PLCE1: variants seen among roughly 807,000 people sequenced by gnomAD.
The protein encoded by PLCE1 is phospholipase C epsilon 1.
In PLCE1, 119 loss-of-function variants were observed where a neutral mutation model predicts 242.8. The ratio of observed to expected loss-of-function variants is 0.49; its 90% CI spans 0.42 to 0.57. PLCE1 has a LOEUF of 0.57. PLCE1 is among the 20% of genes least tolerant of loss of function. The probability of loss-of-function intolerance (pLI) is 0.00; values close to 1 mark genes in which losing one functional copy is unlikely to be tolerated. For synonymous variants in PLCE1, 945 were observed against 1,017.4 expected (o/e 0.93, Z 1.35); for missense variants, 2,441 against 2,788.8 (o/e 0.88, Z 2.81).
chr10:94,262,762 G>A (rs1193149490), intron 14 of PLCE1, 30 bp downstream of exon 14: 9 of 1,325,976 alleles, frequency 6.8e-6, no homozygotes, highest in African/African-American at 2.9e-5. Context: ...GTGCATGTGT[G>A]TGTGATGCCT....
At chr10:94,026,300 A>G (rs1045953737) in intron 1 of PLCE1, among the ~76,000 whole-genome samples, 5 of 152,060 alleles carry the variant, frequency 3.3e-5, no homozygotes, top group Admixed American at 3.3e-4. Context: ...TAGTCATATT[A>G]CCTATCCCCA....
Position 94,112,216 on chromosome 10 carries a change from A to G in PLCE1, c.1207-19958A>G, listed in dbSNP as rs1252773467. 3.3e-5 allele frequency among the ~76,000 whole-genome samples: 5 copies of G among 152,302 alleles called. No individual in the cohort carries two copies. The South Asian group carries it at 1.0e-3, about 32-fold the overall frequency. On this transcript the variant is annotated intron_variant, in intron 2 of 32. Coordinates refer to ENST00000371380, the MANE Select transcript of PLCE1 (RefSeq NM_016341.4). ...TCTTTTTTAAAAATGCATGAAGCAC[A>G]AGGAAGGTGAATGGGTGATTAACAA...
At chr10:94,066,646 C>G (rs1396172349) in intron 2 of PLCE1, among the ~76,000 whole-genome samples, 1 of 152,136 alleles carries the variant, frequency 6.6e-6, no homozygotes, top group Non-Finnish European at 1.5e-5. Flanking sequence ...CCCATGCTTG[C>G]GTGTGATTTC....
intron 23 of PLCE1, among the ~76,000 whole-genome samples, chr10:94,295,205 C>T (rs545520441): frequency 2.0e-5 from 3 of 151,958 alleles, no homozygotes; most frequent in Admixed American, 6.6e-5. Context: ...TGTGAGCCAC[C>T]GCGCCCGGCC....
intron 3 of PLCE1, among the ~76,000 whole-genome samples, chr10:94,161,453 CTCTG>C (rs1351355871): frequency 1.6e-4 from 25 of 151,974 alleles, no homozygotes; most frequent in African/African-American, 5.1e-4. Context: ...TGATTTGGCT[CTCTG>C]TCTGTTATTG....
At position 94,035,848 on chromosome 10, in the gene PLCE1, G is replaced by A. The variant is rs117549031; in HGVS notation, c.1206+3596G>A. 1.1e-3 allele frequency among the ~76,000 whole-genome samples: 163 copies of A among 152,160 alleles called. 2 individuals are homozygous for A. Among genetic ancestry groups the A allele is most frequent in the Non-Finnish European group, 2.1e-3 (141 of 68,006 alleles). On this transcript the variant is annotated intron_variant, in intron 2 of 32. Transcript: ENST00000371380. ...TATGAATTACTTCCTTCAAAGATGC[G>A]GATCTTAATGATATGCTCCTTTTCC...
At chr10:94,089,465 T>G in intron 2 of PLCE1, 1 of 986,004 alleles carries the variant, frequency 1.0e-6, no homozygotes, top group Non-Finnish European at 1.5e-6. Context: ...CATTGTGCAG[T>G]GTTAGCCAAA....
chr10:94,230,026 A>G (rs1445524483), intron 5 of PLCE1, among the ~76,000 whole-genome samples: 4 of 150,832 alleles, frequency 2.7e-5, no homozygotes, highest in Non-Finnish European at 5.9e-5. Context: ...ATTAACTATT[A>G]CCAACATAAT....
Position 94,246,319 on chromosome 10 carries a change from A to G in PLCE1, c.2794A>G (p.Thr932Ala). Residue 932 changes from threonine to alanine, a missense_variant, in exon 8 of 33, where the codon ACG (threonine) becomes GCG (alanine). By Grantham distance (58) the Thr-to-Ala change is moderately conservative. Transcript: ENST00000371380. ...LLGNAGLSSL[T>A]EGVLDLFAVK... ...GGGTAATGCTGGATTAAGTAGCCTG[A>G]CGGAAGGGGTCTTGGATCTTTTTGC... is the stretch of plus-strand genomic sequence containing the variant. 1 of 1,614,168 alleles carries G rather than the reference A, an allele frequency of 6.2e-7. No homozygotes were observed. Among genetic ancestry groups the G allele is most frequent in the Non-Finnish European group, 8.5e-7 (1 of 1,180,024 alleles).
chr10:94,136,656 G>T (rs559753732), intron 3 of PLCE1, among the ~76,000 whole-genome samples: 2 of 152,262 alleles, frequency 1.3e-5, no homozygotes, highest in South Asian at 4.1e-4. Flanking sequence ...GCAGCCTTGG[G>T]GCTTTATGGA....
At chr10:94,094,446 TG>T (rs1419962161) in intron 2 of PLCE1, among the ~76,000 whole-genome samples, 2 of 152,060 alleles carry the variant, frequency 1.3e-5, no homozygotes, top group Non-Finnish European at 2.9e-5. Context: ...GTATGACAGG[TG>T]CATGAATGGA....
At chr10:94,098,590 A>G (rs2045402469) in intron 2 of PLCE1, among the ~76,000 whole-genome samples, 1 of 152,236 alleles carries the variant, frequency 6.6e-6, no homozygotes, top group African/African-American at 2.4e-5. Context: ...TGGAACAGGA[A>G]TCAGATGAGG....
Position 94,163,287 on chromosome 10 carries a change from G to A in PLCE1, c.1493-7893G>A, listed in dbSNP as rs1407428748. Among the ~76,000 whole-genome samples, 10 of 152,280 alleles carry A rather than the reference G, an allele frequency of 6.6e-5. No individual in the cohort carries two copies. In the East Asian group the frequency reaches 1.7e-3, roughly 26 times the overall value. On this transcript the variant is annotated intron_variant, in intron 3 of 32. Coordinates refer to ENST00000371380, the MANE Select transcript of PLCE1 (RefSeq NM_016341.4). ...AGTCTCCCATTATTATTGTGTGGGA[G>A]TCTAAGTCTCTTTGTTGGTCTCTAA...
chr10:94,162,604 C>T (rs986442486), intron 3 of PLCE1, among the ~76,000 whole-genome samples: 2 of 152,072 alleles, frequency 1.3e-5, no homozygotes, highest in African/African-American at 4.8e-5. Flanking sequence ...TTCAAAAAAC[C>T]AGCTCCTGGA....
intron 2 of PLCE1, among the ~76,000 whole-genome samples, chr10:94,113,059 T>C (rs2135667702): frequency 6.6e-6 from 1 of 152,192 alleles, no homozygotes; most frequent in African/African-American, 2.4e-5. Context: ...CAGGCAAATC[T>C]GTAGCGATGG....
At chr10:94,004,162 G>T (rs1166977570) in intron 1 of PLCE1, among the ~76,000 whole-genome samples, 2 of 151,854 alleles carry the variant, frequency 1.3e-5, no homozygotes, top group Non-Finnish European at 2.9e-5. Flanking sequence ...AAAAAAAATT[G>T]TAAGCAAGGA....
At chr10:94,032,321 T>G in intron 2 of PLCE1, 69 bp downstream of exon 2, 1 of 1,386,348 alleles carries the variant, frequency 7.2e-7, no homozygotes, top group South Asian at 1.2e-5. Context: ...AGTCCAAATT[T>G]CCATTGTCAT....
intron 22 of PLCE1, among the ~76,000 whole-genome samples, chr10:94,291,068 T>C (rs1034996586): frequency 1.3e-5 from 2 of 152,138 alleles, no homozygotes; most frequent in African/African-American, 4.8e-5. Context: ...AGTTAGGGAG[T>C]TGATTTCAAA....
intron 4 of PLCE1, among the ~76,000 whole-genome samples, chr10:94,222,518 G>A (rs1408020163): frequency 6.6e-6 from 1 of 152,222 alleles, no homozygotes; most frequent in Non-Finnish European, 1.5e-5. Flanking sequence ...GGGTGATGTG[G>A]GGGCACCACA....
Sources: gnomAD v4.1 joint callset for allele counts (sites outside exome capture counted in the v4.1 genomes callset) on GRCh38, gnomAD v4.1.1 for gene constraint, MANE v1.5 for transcripts, NCBI Gene and HGNC (gene_info 2026-07-23, HGNC 2026-07-21) for gene names.